Variants in HIP1 observed in about 807,000 individuals in gnomAD.
HIP1 encodes the protein huntingtin interacting protein 1, also known as huntingtin-interacting protein 1.
In HIP1, 65 loss-of-function variants were observed where a neutral mutation model predicts 147.6. The ratio of observed to expected loss-of-function variants is 0.44; its 90% CI spans 0.36 to 0.54. HIP1 has a LOEUF of 0.54. HIP1 is among the 20% of genes least tolerant of loss of function. The pLI, the probability that HIP1 is intolerant of heterozygous loss-of-function variation, is 0.00. For missense variants in HIP1, 1,061 were observed against 1,299.6 expected, an observed-to-expected ratio of 0.82 and a Z score of 2.82; for synonymous variants, 479 against 504.0, an observed-to-expected ratio of 0.95 and a Z score of 0.67.
At chr7:75,643,524 A>G (rs1798711594) in intron 1 of HIP1, among the ~76,000 whole-genome samples, 1 of 152,168 alleles carries the variant, frequency 6.6e-6, no homozygotes, top group South Asian at 2.1e-4. Context: ...AATGGGTATT[A>G]TTATTACAAT....
chr7:75,583,768 GT>G, intron 5 of HIP1, among the ~76,000 whole-genome samples: 1 of 146,992 alleles, frequency 6.8e-6, no homozygotes, highest in South Asian at 2.2e-4. Context: ...GTGTGTGTGT[GT>G]GTGTGTGTGT....
intron 1 of HIP1, among the ~76,000 whole-genome samples, chr7:75,676,803 G>A (rs1799909836): frequency 1.4e-5 from 2 of 146,296 alleles, no homozygotes; most frequent in Admixed American, 6.9e-5. Context: ...AGCCCCCCAT[G>A]GACATCTCAT....
intron 1 of HIP1, chr7:75,611,976 T>A: frequency 1.6e-6 from 1 of 639,646 alleles, no homozygotes; most frequent in Non-Finnish European, 2.0e-6. Context: ...CTTGCTTGTG[T>A]GGGGAGCTGG....
At chr7:75,705,840 C>T (rs930797997) in intron 1 of HIP1, among the ~76,000 whole-genome samples, 2 of 152,096 alleles carry the variant, frequency 1.3e-5, no homozygotes, top group East Asian at 3.8e-4. Context: ...TTTTGGGTGT[C>T]TATCCAGAAG....
intron 1 of HIP1, among the ~76,000 whole-genome samples, chr7:75,649,015 GTC>G (rs1363971545): frequency 2.6e-5 from 4 of 151,914 alleles, no homozygotes; most frequent in African/African-American, 9.7e-5. Flanking sequence ...TCACTGAGTT[GTC>G]CAGGCTAGGA....
intron 1 of HIP1, among the ~76,000 whole-genome samples, chr7:75,619,232 A>G (rs1221409911): frequency 1.3e-5 from 2 of 152,148 alleles, no homozygotes; most frequent in Non-Finnish European, 2.9e-5. Flanking sequence ...AGCTAAAAGT[A>G]AAAACAGTGG....
rs1340596223 is a variant in HIP1 at position 75,537,540 on chromosome 7, A to C, written c.*632T>G. 5 of 231,866 alleles carry C rather than the reference A, an allele frequency of 2.2e-5. No homozygotes were observed. The highest frequency in any genetic ancestry group is 8.9e-5 in the African/African-American group (4 of 45,176). The allele number at this position is 231,866 out of a possible 1,614,324, so 14.4% of individuals were successfully genotyped here. ...CTTAAAAAAAAAAACAAAACCAAAA[A>C]ACCCAACCAACCACCATAAGAAGCA... On this transcript the variant is annotated 3_prime_UTR_variant, in exon 31 of 31. Coordinates refer to ENST00000336926, the MANE Select transcript of HIP1 (RefSeq NM_005338.7).
At position 75,539,358 on chromosome 7, in the gene HIP1, T is replaced by C; in HGVS notation, c.3026A>G (p.Tyr1009Cys). ...QKLGELRKKH[Y>C]ELAGVAEGWE... ...GCCCTCAGCAACACCAGCAAGCTCG[T>C]AGTGCTTTTTCCGAAGCTCTCCCAG... The change falls in exon 30 of 31, where the codon TAC (tyrosine) becomes TGC (cysteine). Residue 1009 changes from tyrosine to cysteine, a missense_variant. Physicochemically the swap from Tyr to Cys is radical, Grantham distance 194. Around this residue, in one of 3 missense-constraint regions of HIP1, gnomAD observed 810 missense variants for 946.8 expected, o/e 0.86. Transcript: ENST00000336926. 1 of 1,614,198 alleles carries C rather than the reference T, an allele frequency of 6.2e-7. No homozygotes were observed. Among genetic ancestry groups the C allele is most frequent in the Non-Finnish European group, 8.5e-7 (1 of 1,180,004 alleles).
chr7:75,643,837 T>G (rs1554510764), intron 1 of HIP1, among the ~76,000 whole-genome samples: 2 of 152,036 alleles, frequency 1.3e-5, no homozygotes, highest in Non-Finnish European at 2.9e-5. Flanking sequence ...CTGTCTCTAC[T>G]AAAAATACAA....
intron 1 of HIP1, among the ~76,000 whole-genome samples, chr7:75,618,266 C>G (rs1361025228): frequency 1.3e-5 from 2 of 152,140 alleles, no homozygotes; most frequent in Non-Finnish European, 1.5e-5. Context: ...ATTCTCACAC[C>G]TTAGCCTCCC....
intron 17 of HIP1, 148 bp from the exon 18 acceptor site, chr7:75,556,317 C>T: frequency 9.7e-7 from 1 of 1,026,132 alleles, no homozygotes; most frequent in African/African-American, 1.6e-5. Context: ...CGGGGACACA[C>T]TGATTGCAGT....
At position 75,592,280 on chromosome 7, in the gene HIP1, G is replaced by A. The variant is rs1796523886; in HGVS notation, c.327+92C>T. ...CCAAAGGCCAGGAGAAGGGGGCAGT[G>A]TGGGAGAGGACAGCAGCCTCTGTGG... On this transcript the variant is annotated intron_variant, in intron 3 of 30. Coordinates refer to ENST00000336926, the MANE Select transcript of HIP1 (RefSeq NM_005338.7). 6.1e-6 allele frequency: 9 copies of A among 1,485,234 alleles called. No homozygotes were observed. In the South Asian group the frequency reaches 9.8e-5, roughly 16 times the overall value. The allele number at this position is 1,485,234 out of a possible 1,614,324, so 92.0% of individuals were successfully genotyped here. A position where few individuals can be genotyped will look rare whatever the true frequency, so the allele number is the denominator to read the frequency against.
At chr7:75,712,869 CTCAT>C (rs1554520230) in intron 1 of HIP1, among the ~76,000 whole-genome samples, 2 of 152,168 alleles carry the variant, frequency 1.3e-5, no homozygotes, top group Non-Finnish European at 2.9e-5. Context: ...CATTCACTCA[CTCAT>C]TCATTCACTC....
intron 1 of HIP1, among the ~76,000 whole-genome samples, chr7:75,713,900 A>G (rs1554520335): frequency 6.6e-6 from 1 of 151,358 alleles, no homozygotes; most frequent in South Asian, 2.1e-4. Context: ...GGGTTTCACT[A>G]TGTCAGCCAG....
At chr7:75,610,698 G>A (rs1199653233) in intron 1 of HIP1, among the ~76,000 whole-genome samples, 1 of 151,254 alleles carries the variant, frequency 6.6e-6, no homozygotes. Flanking sequence ...CAGCACTCTC[G>A]CCTCTAAAGT....
intron 1 of HIP1, among the ~76,000 whole-genome samples, chr7:75,618,707 C>T (rs1554506512): frequency 6.6e-6 from 1 of 152,150 alleles, no homozygotes; most frequent in Non-Finnish European, 1.5e-5. Flanking sequence ...CAGGAGATCC[C>T]CCAGCACGGG....
At chr7:75,674,751 A>G (rs1554515762) in intron 1 of HIP1, among the ~76,000 whole-genome samples, 1 of 151,652 alleles carries the variant, frequency 6.6e-6, no homozygotes, top group East Asian at 1.9e-4. Context: ...TCGGCCTCCC[A>G]AAGTGCTGGG....
intron 1 of HIP1, among the ~76,000 whole-genome samples, chr7:75,697,051 G>A (rs1800663586): frequency 6.6e-6 from 1 of 151,624 alleles, no homozygotes; most frequent in Admixed American, 6.6e-5. Context: ...AAGTCGACCT[G>A]GAATTTATCC....
At chr7:75,582,292 T>G in intron 5 of HIP1, 141 bp from the exon 6 acceptor site, 1 of 653,740 alleles carries the variant, frequency 1.5e-6, no homozygotes, top group Admixed American at 2.4e-5. Context: ...GAGTTCAAGT[T>G]TACAGTTCAA....
Sources: gnomAD v4.1 joint callset for allele counts (sites outside exome capture counted in the v4.1 genomes callset) on GRCh38, gnomAD v4.1.1 for gene constraint, gnomAD v4.1.1 regional missense constraint, MANE v1.5 for transcripts, NCBI Gene and HGNC (gene_info 2026-07-23, HGNC 2026-07-21) for gene names.